ELAPOR2: variants seen among roughly 807,000 people sequenced by gnomAD.
The protein encoded by ELAPOR2 is endosome-lysosome associated apoptosis and autophagy regulator family member 2, also known as endosome/lysosome-associated apoptosis and autophagy regulator family member 2.
ELAPOR2 carries 89 observed loss-of-function variants against 120.7 expected under a neutral mutation model. That is an observed-to-expected ratio of 0.74 (90% CI 0.62 to 0.88). ELAPOR2 has a LOEUF of 0.88. Among genes scored for constraint, ELAPOR2 ranks in the 40% least tolerant of loss-of-function variants. The pLI, the probability that ELAPOR2 is intolerant of heterozygous loss-of-function variation, is 0.00. For missense variants in ELAPOR2, 1,134 were observed against 1,251.6 expected (o/e 0.91, Z 1.42); for synonymous variants, 444 against 444.9 (o/e 1.00, Z 0.03).
At chr7:87,050,658 T>C (rs1323934062) in intron 1 of ELAPOR2, among the ~76,000 whole-genome samples, 1 of 152,180 alleles carries the variant, frequency 6.6e-6, no homozygotes, top group African/African-American at 2.4e-5. Context: ...AATGAAGCCT[T>C]AGAAGGGTGT....
chr7:86,901,551 G>A (rs561581914), intron 18 of ELAPOR2, among the ~76,000 whole-genome samples: 7 of 152,156 alleles, frequency 4.6e-5, no homozygotes, highest in Non-Finnish European at 7.4e-5. Flanking sequence ...GTATAAATAC[G>A]TTTTGCCAAA....
At chr7:87,011,221 T>TCGTGCCACTGCACTCCA (rs56074608) in intron 1 of ELAPOR2, among the ~76,000 whole-genome samples, 3 of 138,102 alleles carry the variant, frequency 2.2e-5, no homozygotes, top group African/African-American at 8.1e-5. Context: ...TGAGCCAAGA[T>TCGTGCCACTGCACTCCA]GCATGGCGAC....
intron 1 of ELAPOR2, among the ~76,000 whole-genome samples, chr7:87,024,015 G>A (rs1442356749): frequency 1.3e-5 from 2 of 152,096 alleles, no homozygotes; most frequent in Non-Finnish European, 2.9e-5. Context: ...CCGCAAACAG[G>A]GACAATTTGA....
At chr7:86,927,354 G>T (rs1033011202) in intron 8 of ELAPOR2, among the ~76,000 whole-genome samples, 2 of 151,756 alleles carry the variant, frequency 1.3e-5, no homozygotes, top group African/African-American at 4.8e-5. Flanking sequence ...ATCACAAAAA[G>T]GTTATTTTTC....
chr7:86,952,374 A>G (rs1357363857), intron 2 of ELAPOR2, among the ~76,000 whole-genome samples: 3 of 152,218 alleles, frequency 2.0e-5, no homozygotes, highest in Non-Finnish European at 2.9e-5. Context: ...CAGTTAACCA[A>G]TGGCAAAGCT....
At chr7:86,911,221 G>A (rs929964573) in intron 15 of ELAPOR2, among the ~76,000 whole-genome samples, 29 of 152,032 alleles carry the variant, frequency 1.9e-4, no homozygotes, top group African/African-American at 7.0e-4. Context: ...TATTTATTGA[G>A]TGAACTGAGT....
Position 86,908,549 on chromosome 7 carries a change from T to C in ELAPOR2, c.2360-6A>G, listed in dbSNP as rs1789143262. 1 of 1,375,624 alleles carries C rather than the reference T, an allele frequency of 7.3e-7. No individual in the cohort carries two copies. The highest frequency in any genetic ancestry group is 1.3e-5 in the South Asian group (1 of 77,058). 85.2% of individuals were successfully genotyped at this position (1,375,624 alleles called of 1,614,324 possible). On this transcript the variant is annotated splice_polypyrimidine_tract_variant and splice_region_variant and intron_variant, in intron 16 of 21. Transcript: ENST00000450689. ...TGTGGTTTCAACTGTGACTCCTAGA[T>C]GACATTTAAAAAGAAACTATTAAGC... is the stretch of plus-strand genomic sequence containing the variant.
At chr7:86,960,277 G>C (rs938575727) in intron 2 of ELAPOR2, among the ~76,000 whole-genome samples, 2 of 152,182 alleles carry the variant, frequency 1.3e-5, no homozygotes, top group African/African-American at 4.8e-5. Context: ...TTGAGACGGA[G>C]TCTCACTCTG....
intron 1 of ELAPOR2, among the ~76,000 whole-genome samples, chr7:86,991,435 C>G (rs75143419): frequency 0.075 from 11,388 of 152,142 alleles, 468 homozygotes; most frequent in Admixed American, 0.11. Flanking sequence ...AAAATTGGTT[C>G]TCACCTCCAG....
chr7:87,043,199 C>A (rs1352470925), intron 1 of ELAPOR2, among the ~76,000 whole-genome samples: 2 of 151,602 alleles, frequency 1.3e-5, no homozygotes, highest in Admixed American at 1.3e-4. Flanking sequence ...GGAACTGGTA[C>A]CATTCCTTCT....
At chr7:86,884,349 A>G (rs1799587299) in intron 21 of ELAPOR2, among the ~76,000 whole-genome samples, 1 of 152,150 alleles carries the variant, frequency 6.6e-6, no homozygotes, top group South Asian at 2.1e-4. Context: ...CTCATTCACC[A>G]GGCAATCAGC....
At chr7:86,959,657 T>A (rs1003576785) in intron 2 of ELAPOR2, among the ~76,000 whole-genome samples, 2 of 152,244 alleles carry the variant, frequency 1.3e-5, no homozygotes, top group Non-Finnish European at 2.9e-5. Flanking sequence ...CATTCTTGAA[T>A]CCCAGTGATA....
chr7:86,992,368 C>T (rs933737988), intron 1 of ELAPOR2, among the ~76,000 whole-genome samples: 1 of 152,112 alleles, frequency 6.6e-6, no homozygotes, highest in African/African-American at 2.4e-5. Context: ...GAGTTTGAGG[C>T]TGTAGTGAGC....
intron 21 of ELAPOR2, among the ~76,000 whole-genome samples, chr7:86,883,426 C>A (rs770779295): frequency 1.3e-5 from 2 of 152,046 alleles, no homozygotes; most frequent in African/African-American, 2.4e-5. Flanking sequence ...TAAAAATAGA[C>A]ACACAATAAG....
chr7:86,998,416 A>C (rs1317810916), intron 1 of ELAPOR2, among the ~76,000 whole-genome samples: 2 of 152,212 alleles, frequency 1.3e-5, no homozygotes, highest in African/African-American at 4.8e-5. Flanking sequence ...CACCGATGTC[A>C]AGCGATTTAG....
chr7:86,977,240 C>T (rs1016785857), intron 1 of ELAPOR2, among the ~76,000 whole-genome samples: 1 of 152,104 alleles, frequency 6.6e-6, no homozygotes, highest in Non-Finnish European at 1.5e-5. Context: ...ATTTAAGTAA[C>T]CTCCCAATGT....
intron 2 of ELAPOR2, among the ~76,000 whole-genome samples, chr7:86,959,514 A>G (rs1275505472): frequency 6.6e-6 from 1 of 152,150 alleles, no homozygotes; most frequent in East Asian, 1.9e-4. Flanking sequence ...TGCCTAAGTT[A>G]AGAGTTTGTA....
intron 1 of ELAPOR2, among the ~76,000 whole-genome samples, chr7:86,973,796 G>A (rs1285641620): frequency 6.6e-6 from 1 of 152,186 alleles, no homozygotes; most frequent in South Asian, 2.1e-4. Flanking sequence ...TTGGCCCACA[G>A]ACTGTAAAGC....
chr7:86,983,258 A>G (rs1792579465), intron 1 of ELAPOR2, among the ~76,000 whole-genome samples: 1 of 152,192 alleles, frequency 6.6e-6, no homozygotes, highest in Admixed American at 6.5e-5. Flanking sequence ...GTTGGAAAAC[A>G]CTCTTCAGGA....
Sources: gnomAD v4.1 joint callset for allele counts (sites outside exome capture counted in the v4.1 genomes callset) on GRCh38, gnomAD v4.1.1 for gene constraint, MANE v1.5 for transcripts, NCBI Gene and HGNC (gene_info 2026-07-23, HGNC 2026-07-21) for gene names.